Variants in UBR3 observed in about 807,000 individuals in gnomAD.
The protein encoded by UBR3 is ubiquitin protein ligase E3 component n-recognin 3.
A neutral mutation model predicts 243.2 loss-of-function variants in UBR3; 85 were observed. The ratio of observed to expected loss-of-function variants is 0.35; its 90% confidence interval spans 0.29 to 0.42. UBR3 has a LOEUF of 0.42. Ranked by LOEUF, UBR3 falls within the 10% of genes least tolerant of loss-of-function variation. UBR3 has a pLI of 1.00. For synonymous variants in UBR3, 748 were observed against 799.8 expected, an observed-to-expected ratio of 0.94 and a Z score of 1.09; for missense variants, 1,686 against 2,300.8, an observed-to-expected ratio of 0.73 and a Z score of 5.47.
intron 11 of UBR3, among the ~76,000 whole-genome samples, chr2:169,919,902 C>T (rs796850377): frequency 1.4e-4 from 22 of 152,082 alleles, no homozygotes; most frequent in Non-Finnish European, 2.8e-4. Flanking sequence ...GTCAGTGTGG[C>T]GATTCCTCAG....
chr2:169,927,115 G>T, intron 16 of UBR3, 144 bp downstream of exon 16: 1 of 1,134,072 alleles, frequency 8.8e-7, no homozygotes, highest in Non-Finnish European at 1.2e-6. Context: ...ATGTTGTACT[G>T]TAGGTATACC....
chr2:169,977,353 T>C (rs2088497026), intron 24 of UBR3, among the ~76,000 whole-genome samples: 1 of 152,154 alleles, frequency 6.6e-6, no homozygotes, highest in African/African-American at 2.4e-5. Flanking sequence ...TTGGCTTACA[T>C]AATTACAAAG....
At chr2:169,884,378 T>G (rs2084012585) in intron 5 of UBR3, among the ~76,000 whole-genome samples, 1 of 152,100 alleles carries the variant, frequency 6.6e-6, no homozygotes, top group Non-Finnish European at 1.5e-5. Context: ...GGTCTTGATC[T>G]CCTGACCTCG....
At chr2:170,040,835 A>G in intron 31 of UBR3, 47 bp from the exon 32 acceptor site, 1 of 1,371,408 alleles carries the variant, frequency 7.3e-7, no homozygotes, top group Non-Finnish European at 1.0e-6. Context: ...TAAATTAGAA[A>G]GAGAAGATAT....
At chr2:169,944,653 TA>T (rs909092739) in intron 20 of UBR3, among the ~76,000 whole-genome samples, 3 of 151,924 alleles carry the variant, frequency 2.0e-5, no homozygotes, top group African/African-American at 7.2e-5. Flanking sequence ...AATGTCAAAA[TA>T]AAACTCCCTG....
At chr2:169,886,988 C>G (rs1171563112) in intron 5 of UBR3, among the ~76,000 whole-genome samples, 1 of 151,988 alleles carries the variant, frequency 6.6e-6, no homozygotes, top group East Asian at 1.9e-4. Flanking sequence ...ATTGTTGTAA[C>G]CAGCTGTGAA....
chr2:169,853,560 C>T (rs1233705955), intron 1 of UBR3, among the ~76,000 whole-genome samples: 2 of 151,990 alleles, frequency 1.3e-5, no homozygotes, highest in African/African-American at 4.8e-5. Flanking sequence ...AAACGATTCT[C>T]CTGCTTCAGC....
intron 26 of UBR3, 113 bp from the exon 27 acceptor site, chr2:170,001,191 C>T (rs1384457098): frequency 2.8e-6 from 2 of 709,378 alleles, no homozygotes; most frequent in African/African-American, 3.6e-5. Flanking sequence ...ATAGAAACTC[C>T]ACATTAATAT....
chr2:169,929,629 C>A (rs989181580), intron 18 of UBR3, among the ~76,000 whole-genome samples: 1 of 151,866 alleles, frequency 6.6e-6, no homozygotes, highest in African/African-American at 2.4e-5. Context: ...ACATTTTGAA[C>A]CTATGTTAAA....
chr2:169,865,325 C>G (rs1414835549), intron 1 of UBR3, among the ~76,000 whole-genome samples: 2 of 152,176 alleles, frequency 1.3e-5, no homozygotes, highest in Non-Finnish European at 2.9e-5. Context: ...AGTCCCCACA[C>G]TATGCTTAGC....
intron 8 of UBR3, among the ~76,000 whole-genome samples, chr2:169,901,875 T>C (rs1037491208): frequency 6.6e-6 from 1 of 152,236 alleles, no homozygotes; most frequent in Non-Finnish European, 1.5e-5. Flanking sequence ...AAACCATGTG[T>C]TGTATGACAT....
At chr2:169,933,550 G>A (rs1300357797) in intron 19 of UBR3, among the ~76,000 whole-genome samples, 1 of 152,152 alleles carries the variant, frequency 6.6e-6, no homozygotes. Flanking sequence ...ATTGTAAATT[G>A]TAGACCATTG....
At chr2:169,910,827 T>C (rs947009177) in intron 10 of UBR3, among the ~76,000 whole-genome samples, 2 of 152,124 alleles carry the variant, frequency 1.3e-5, no homozygotes, top group Non-Finnish European at 2.9e-5. Flanking sequence ...TGAAAGCAAA[T>C]TTATCTAATT....
At chr2:169,969,292 AG>A (rs1281866941) in intron 24 of UBR3, among the ~76,000 whole-genome samples, 1 of 152,134 alleles carries the variant, frequency 6.6e-6, no homozygotes, top group Non-Finnish European at 1.5e-5. Flanking sequence ...GCATTTCCAC[AG>A]TGGTTTCTTC....
intron 6 of UBR3, among the ~76,000 whole-genome samples, chr2:169,892,908 C>T (rs2084429372): frequency 6.6e-6 from 1 of 152,158 alleles, no homozygotes; most frequent in African/African-American, 2.4e-5. Context: ...TAGTGAGTTG[C>T]AGAACTTGAA....
intron 7 of UBR3, 65 bp downstream of exon 7, chr2:169,895,376 C>CT (rs146041733): frequency 0.05 from 72,660 of 1,459,352 alleles, 1,938 homozygotes; most frequent in Non-Finnish European, 0.055. Context: ...ATTATTAAAT[C>CT]TTTTTTTGAT....
rs145293978 is a variant in UBR3, at chr2:169,991,571, T to C, written c.3785-2752T>C. 5.8e-3 allele frequency among the ~76,000 whole-genome samples: 876 copies of C among 152,194 alleles called. 7 individuals carry two copies. The highest frequency in any genetic ancestry group is 0.02 in the African/African-American group (827 of 41,522). On this transcript the variant is annotated intron_variant, in intron 25 of 38. Coordinates refer to ENST00000272793, the MANE Select transcript of UBR3 (RefSeq NM_172070.4). ...ACAAGTATGTGGAAATTAAACAACA[T>C]ACTCTTTATTTTATTATTATTATTT...
At chr2:169,961,019 CTT>C (rs2087547241) in intron 24 of UBR3, among the ~76,000 whole-genome samples, 1 of 152,036 alleles carries the variant, frequency 6.6e-6, no homozygotes, top group Admixed American at 6.6e-5. Context: ...TGGACCATGA[CTT>C]TGTTATGTTG....
intron 5 of UBR3, among the ~76,000 whole-genome samples, chr2:169,883,980 G>A (rs530326860): frequency 9.2e-5 from 14 of 151,682 alleles, no homozygotes; most frequent in African/African-American, 2.7e-4. Context: ...CTACAGGCGC[G>A]TGCCACCACA....
Sources: allele counts gnomAD v4.1 joint callset (sites outside exome capture counted in the v4.1 genomes callset), GRCh38; gene constraint gnomAD v4.1.1; transcripts MANE v1.5; gene names NCBI Gene and HGNC (gene_info 2026-07-23, HGNC 2026-07-21).